Variants in IQSEC1 observed in about 807,000 individuals in gnomAD.
IQSEC1 encodes the protein IQ motif and SEC7 domain-containing protein 1.
IQSEC1 carries 31 observed loss-of-function variants against 91.0 expected under a neutral mutation model. The observed-to-expected ratio is 0.34, with a 90% CI of 0.26 to 0.46. The LOEUF (loss-of-function observed/expected upper bound fraction) is 0.46, where lower values mean the gene tolerates loss of function less well. IQSEC1 is among the 20% of genes least tolerant of loss of function. IQSEC1 has a pLI of 1.00. For synonymous variants in IQSEC1, 699 were observed against 662.6 expected, an observed-to-expected ratio of 1.05 and a Z score of -0.84; for missense variants, 1,388 against 1,575.6, an observed-to-expected ratio of 0.88 and a Z score of 2.02.
intron 2 of IQSEC1, among the ~76,000 whole-genome samples, chr3:13,094,760 C>T (rs566373861): frequency 6.6e-6 from 1 of 152,192 alleles, no homozygotes; most frequent in African/African-American, 2.4e-5. Flanking sequence ...CCACGAGCTC[C>T]GGGATCTTCT....
chr3:12,955,484 A>G (rs1218439253), intron 1 of IQSEC1, among the ~76,000 whole-genome samples: 1 of 152,218 alleles, frequency 6.6e-6, no homozygotes, highest in African/African-American at 2.4e-5. Context: ...AACACCCTGC[A>G]ATCAACCCCA....
Position 12,980,833 on chromosome 3 carries a change from T to C in IQSEC1, c.24-38968A>G, listed in dbSNP as rs554350106. Among the ~76,000 whole-genome samples the C allele has an allele frequency of 3.9e-5, 6 of 152,278 alleles. 1 individual carries two copies. The South Asian group carries it at 1.2e-3, about 32-fold the overall frequency. ...CCAGCCCTGCCTGCAGGGACCCAAG[T>C]AGGGCTGCGTGGATGCTCCTTCCTG... is the stretch of plus-strand genomic sequence containing the variant. On this transcript the variant is annotated intron_variant, in intron 1 of 13. Coordinates refer to ENST00000613206, the MANE Select transcript of IQSEC1 (RefSeq NM_001134382.3).
intron 1 of IQSEC1, among the ~76,000 whole-genome samples, chr3:13,262,505 C>T (rs1011558260): frequency 1.3e-5 from 2 of 152,116 alleles, no homozygotes; most frequent in Non-Finnish European, 2.9e-5. Context: ...GGACGGAGTT[C>T]GTAGAGCTAG....
chr3:13,049,913 G>A (rs926329502), intron 1 of IQSEC1, among the ~76,000 whole-genome samples: 4 of 152,148 alleles, frequency 2.6e-5, no homozygotes, highest in Non-Finnish European at 4.4e-5. Context: ...CAGTACGGTC[G>A]CTGAAGTCTG....
intron 2 of IQSEC1, among the ~76,000 whole-genome samples, chr3:13,101,473 A>G (rs912533558): frequency 6.6e-6 from 1 of 151,010 alleles, no homozygotes; most frequent in African/African-American, 2.4e-5. Flanking sequence ...AGGAACAGAA[A>G]GGAAACAAGG....
chr3:12,939,972 T>C (rs1466806995), intron 2 of IQSEC1, among the ~76,000 whole-genome samples: 2 of 152,190 alleles, frequency 1.3e-5, no homozygotes, highest in Admixed American at 1.3e-4. Context: ...GTCTGGTGCA[T>C]AGTGGGCGTT....
chr3:12,978,441 G>A (rs1576097989), intron 1 of IQSEC1, among the ~76,000 whole-genome samples: 2 of 152,180 alleles, frequency 1.3e-5, no homozygotes, highest in African/African-American at 2.4e-5. Context: ...GCTCACACCT[G>A]TAATCCCAGC....
rs56174337 is a variant in IQSEC1 at position 12,972,014 on chromosome 3, AAAACAAAC to A, written c.24-30157_24-30150del. ...TGGCAACAGGGTGAGACTCCATCTC[AAAACAAAC>A]AAACAAACAAACAAACAAACAAAAA... On this transcript the variant is annotated intron_variant, in intron 1 of 13. Transcript: ENST00000613206. Among the ~76,000 whole-genome samples the A allele has an allele frequency of 7.4e-3, 1,096 of 148,604 alleles. 14 individuals carry two copies. The highest frequency in any genetic ancestry group is 0.026 in the African/African-American group (1,029 of 40,198).
intron 1 of IQSEC1, among the ~76,000 whole-genome samples, chr3:13,176,330 G>A (rs1320199114): frequency 2.6e-5 from 4 of 152,176 alleles, no homozygotes; most frequent in Non-Finnish European, 5.9e-5. Flanking sequence ...GAAGCCAGAC[G>A]GTTCGGGGGT....
At chr3:13,189,044 G>A (rs957988381) in intron 1 of IQSEC1, among the ~76,000 whole-genome samples, 1 of 152,258 alleles carries the variant, frequency 6.6e-6, no homozygotes, top group Non-Finnish European at 1.5e-5. Context: ...TCTCTCACCT[G>A]TGTCCCAAAT....
intron 1 of IQSEC1, among the ~76,000 whole-genome samples, chr3:12,972,675 G>C (rs1439754016): frequency 2.0e-5 from 3 of 152,178 alleles, no homozygotes; most frequent in African/African-American, 7.2e-5. Context: ...TTACAGACAG[G>C]GAAACTGAGG....
chr3:13,240,439 G>C lies in IQSEC1; in HGVS notation c.272+42272C>G, dbSNP rs148814158. Reference sequence around the variant, plus strand: ...GTTTGAGGCTCCCCAGGGCTAGGTGGAGGGCAGGGGAACAGACCAAGCCAA... The same window carrying C: ...GTTTGAGGCTCCCCAGGGCTAGGTGCAGGGCAGGGGAACAGACCAAGCCAA... On this transcript the variant is annotated intron_variant, in intron 1 of 15. Transcript: ENST00000648114. Among the ~76,000 whole-genome samples, 375 of 152,290 alleles carry C rather than the reference G, an allele frequency of 2.5e-3. 3 individuals carry two copies. The highest frequency in any genetic ancestry group is 8.4e-3 in the African/African-American group (351 of 41,558).
At position 13,006,601 on chromosome 3, in the gene IQSEC1, G is replaced by A. The variant is rs903324361; in HGVS notation, c.24-64736C>T. Reference sequence around the variant, plus strand: ...CCAGATCTTCCAAACACACAATCACGTGTTTTAAGACACTATGTTCTGTGT... The same window carrying A: ...CCAGATCTTCCAAACACACAATCACATGTTTTAAGACACTATGTTCTGTGT... On this transcript the variant is annotated intron_variant, in intron 1 of 13. Coordinates refer to ENST00000613206, the MANE Select transcript of IQSEC1 (RefSeq NM_001134382.3). Among the ~76,000 whole-genome samples the A allele has an allele frequency of 3.2e-4, 49 of 152,260 alleles. 1 individual carries two copies. The highest frequency in any genetic ancestry group is 4.4e-5 in the Non-Finnish European group (3 of 68,052).
intron 1 of IQSEC1, among the ~76,000 whole-genome samples, chr3:13,024,364 T>C (rs1242667308): frequency 5.2e-4 from 67 of 127,686 alleles, no homozygotes; most frequent in South Asian, 2.7e-4. Context: ...CATACACCCA[T>C]CCATCACTCC....
At chr3:13,099,080 A>G (rs2124822521) in intron 2 of IQSEC1, among the ~76,000 whole-genome samples, 1 of 152,286 alleles carries the variant, frequency 6.6e-6, no homozygotes, top group African/African-American at 2.4e-5. Context: ...AAGAGGTGAT[A>G]TTGAAGCAGA....
At position 12,967,781 on chromosome 3, in the gene IQSEC1, G is replaced by A. The variant is rs993392318; in HGVS notation, c.24-25916C>T. ...CGGAGGGCGAGCTGGGGGCGGGGCC[G>A]GAGGGCGAGCTGGGGGCGGGGCTGC... On this transcript the variant is annotated intron_variant, in intron 1 of 13. Coordinates refer to ENST00000613206, the MANE Select transcript of IQSEC1 (RefSeq NM_001134382.3). The surrounding 1 kb of genome is among the most constrained non-coding windows in gnomAD (Gnocchi z 5.9). 1.0e-4 allele frequency: 84 copies of A among 818,892 alleles called. No homozygotes were observed. Among genetic ancestry groups the A allele is most frequent in the Non-Finnish European group, 1.2e-4 (80 of 671,498 alleles). 50.7% of individuals were successfully genotyped at this position (818,892 alleles called of 1,614,324 possible).
intron 2 of IQSEC1, among the ~76,000 whole-genome samples, chr3:13,084,194 G>C (rs1397678804): frequency 6.6e-6 from 1 of 152,150 alleles, no homozygotes; most frequent in Non-Finnish European, 1.5e-5. Flanking sequence ...GGTTTTCAGA[G>C]GGCAGCTGCA....
At chr3:13,072,689 T>A (rs1285649348) in intron 1 of IQSEC1, among the ~76,000 whole-genome samples, 2 of 152,186 alleles carry the variant, frequency 1.3e-5, no homozygotes, top group African/African-American at 2.4e-5. Flanking sequence ...GCCAAAACAG[T>A]AGGAGCCGGT....
chr3:13,280,551 A>T (rs192215828), intron 1 of IQSEC1, among the ~76,000 whole-genome samples: 16 of 152,266 alleles, frequency 1.1e-4, no homozygotes, highest in Middle Eastern at 3.4e-3. Flanking sequence ...GATGCACAAA[A>T]ATGGGTCCGG....
Sources: gnomAD v4.1 joint callset for allele counts (sites outside exome capture counted in the v4.1 genomes callset) on GRCh38, gnomAD v4.1.1 for gene constraint, Gnocchi (gnomAD v3.1) non-coding constraint, MANE v1.5 for transcripts, NCBI Gene and HGNC (gene_info 2026-07-23, HGNC 2026-07-21) for gene names.